Variants in CCDC110 observed in about 807,000 individuals in gnomAD.
CCDC110 encodes the protein coiled-coil domain containing 110, also known as coiled-coil domain-containing protein 110.
A neutral mutation model predicts 77.1 loss-of-function variants in CCDC110; 70 were observed. The ratio of observed to expected loss-of-function variants is 0.91; its 90% CI spans 0.75 to 1.11. The LOEUF (loss-of-function observed/expected upper bound fraction) is 1.11, where lower values mean the gene tolerates loss of function less well. Among genes scored for constraint, CCDC110 ranks in the 50% least tolerant of loss-of-function variants. The pLI is 0.00. For missense variants in CCDC110, 868 were observed against 942.9 expected (o/e 0.92, Z 1.04); for synonymous variants, 295 against 312.5 (o/e 0.94, Z 0.59).
chr4:185,465,664 A>AG (rs2095654231), intron 2 of CCDC110, among the ~76,000 whole-genome samples: 1 of 152,350 alleles, frequency 6.6e-6, no homozygotes, highest in East Asian at 1.9e-4. Flanking sequence ...AAAAGTTTAC[A>AG]GGTCACTCTG....
At position 185,460,024 on chromosome 4, in the gene CCDC110, G is replaced by T; in HGVS notation, c.563C>A (p.Ser188Ter). 1 of 1,613,296 alleles carries T rather than the reference G, an allele frequency of 6.2e-7. No individual in the cohort carries two copies. The highest frequency in any genetic ancestry group is 8.5e-7 in the Non-Finnish European group (1 of 1,179,532). ...ATTCTTCAAGATGTCAGAATTTTCTGAAGGGTGTATAATTATGTTTGAAGA... is the reference window on the plus strand; with the variant it reads ...ATTCTTCAAGATGTCAGAATTTTCTTAAGGGTGTATAATTATGTTTGAAGA... The part of the protein sequence containing the change: ...NLSSNIIIHP[S>*]ENSDILKNYN... Residue 188 changes from serine (S) to a stop codon, truncating the protein, a stop_gained, in exon 6 of 7, where the codon TCA (serine) becomes TAA (stop). Coordinates refer to ENST00000307588, the MANE Select transcript of CCDC110 (RefSeq NM_152775.4). LOFTEE classifies it high-confidence loss of function.
Position 185,458,182 on chromosome 4 carries a change from T to A in CCDC110, c.2405A>T (p.Tyr802Phe). 1 of 1,604,406 alleles carries A rather than the reference T, an allele frequency of 6.2e-7. No homozygotes were observed. Among genetic ancestry groups the A allele is most frequent in the Non-Finnish European group, 8.5e-7 (1 of 1,177,424 alleles). ...SRREKFHFDNYTHEDTSSPQS... is the reference protein window; with the variant it reads ...SRREKFHFDNFTHEDTSSPQS... ...AGGACTAGAAGTATCTTCGTGAGTA[T>A]AGTTGTCAAAATGGAATTTCTCTCT... The change falls in exon 6 of 7, where the codon TAT becomes TTT. Residue 802 changes from tyrosine (Y) to phenylalanine (F), a missense_variant. Transcript: ENST00000307588.
Position 185,459,883 on chromosome 4 carries a change from C to G in CCDC110, c.704G>C (p.Cys235Ser), listed in dbSNP as rs1360034540. Residue 235 changes from cysteine to serine, a missense_variant, in exon 6 of 7, where the codon TGT becomes TCT. Transcript: ENST00000307588. ...ATGGCAAATGTCATCTAAATTTTCA[C>G]AAAATCCATGCTTGAGAAAAGGCAC... ...ITVPFLKHGFCENLDDICHSI... is the reference protein window; with the variant it reads ...ITVPFLKHGFSENLDDICHSI... The G allele has an allele frequency of 6.2e-7, 1 of 1,613,668 alleles. No individual in the cohort carries two copies. Among genetic ancestry groups the G allele is most frequent in the East Asian group, 2.2e-5 (1 of 44,840 alleles).
chr4:185,469,195 A>G (rs922494116), intron 2 of CCDC110, among the ~76,000 whole-genome samples: 2 of 152,212 alleles, frequency 1.3e-5, no homozygotes, highest in African/African-American at 4.8e-5. Flanking sequence ...GGAATGGATC[A>G]CTTGGTGACA....
Position 185,458,847 on chromosome 4 carries a change from C to T in CCDC110, c.1740G>A (p.Leu580=), listed in dbSNP as rs774163676. The change falls in exon 6 of 7, where the codon TTG becomes TTA. Residue 580 remains leucine (L), a synonymous_variant. Coordinates refer to ENST00000307588, the MANE Select transcript of CCDC110 (RefSeq NM_152775.4). The stretch of plus-strand genomic sequence containing the variant: ...CTAACATTTCTTTTTCATCTTGTAT[C>T]AACAGAATATTGGTTTTCATTGCTT... ...EMEAMKTNIL[L]IQDEKEMLEK... 3.7e-6 allele frequency: 6 copies of T among 1,605,532 alleles called. No homozygotes were observed. The highest frequency in any genetic ancestry group is 4.2e-6 in the Non-Finnish European group (5 of 1,178,000).
chr4:185,462,907 C>T (rs547333688), intron 3 of CCDC110, 87 bp downstream of exon 3: 4 of 1,176,050 alleles, frequency 3.4e-6, no homozygotes, highest in East Asian at 4.7e-5. Context: ...AGTGAGAGAA[C>T]CCGTTTGCAT....
chr4:185,461,759 C>A (rs1364811358), intron 4 of CCDC110, among the ~76,000 whole-genome samples: 2 of 152,178 alleles, frequency 1.3e-5, no homozygotes, highest in Non-Finnish European at 2.9e-5. Flanking sequence ...GTGACCCAGT[C>A]GGGATCCATC....
At position 185,459,083 on chromosome 4, in the gene CCDC110, T is replaced by G. The variant is rs778818275; in HGVS notation, c.1504A>C (p.Lys502Gln). ...SKLSKTEEYSKECLKEFKKII... is the reference protein window; with the variant it reads ...SKLSKTEEYSQECLKEFKKII... Reference sequence around the variant, plus strand: ...TTTTTAAATTCTTTAAGACACTCTTTGCTGTATTCTTCTGTTTTACTTAAC... The same window carrying G: ...TTTTTAAATTCTTTAAGACACTCTTGGCTGTATTCTTCTGTTTTACTTAAC... Residue 502 changes from lysine to glutamine, a missense_variant, in exon 6 of 7, where the codon AAA becomes CAA. Transcript: ENST00000307588. 2 of 1,575,696 alleles carry G rather than the reference T, an allele frequency of 1.3e-6. No individual in the cohort carries two copies. Among genetic ancestry groups the G allele is most frequent in the Admixed American group, 1.7e-5 (1 of 57,388 alleles).
intron 6 of CCDC110, among the ~76,000 whole-genome samples, chr4:185,455,242 T>A (rs1476633259): frequency 6.6e-6 from 1 of 152,204 alleles, no homozygotes; most frequent in Non-Finnish European, 1.5e-5. Context: ...TCTTTAATCT[T>A]AATTTTGTAT....
rs760451503 is a variant in CCDC110 at position 185,445,495 on chromosome 4, A to G, written c.*7T>C. 6.4e-7 allele frequency: 1 copy of G among 1,568,774 alleles called. No individual in the cohort carries two copies. The highest frequency in any genetic ancestry group is 8.7e-7 in the Non-Finnish European group (1 of 1,144,454). Reference sequence around the variant, plus strand: ...CGAAGGGAGTTTCTTAGCAATCTTGAGGAATCCTAATGATGCTTGAGAGTT... The same window carrying G: ...CGAAGGGAGTTTCTTAGCAATCTTGGGGAATCCTAATGATGCTTGAGAGTT... On this transcript the variant is annotated 3_prime_UTR_variant, in exon 7 of 7. Transcript: ENST00000307588.
chr4:185,455,103 TAAACA>T (rs1243696200), intron 6 of CCDC110, among the ~76,000 whole-genome samples: 1 of 152,228 alleles, frequency 6.6e-6, no homozygotes, highest in African/African-American at 2.4e-5. Flanking sequence ...GATTCAGCAG[TAAACA>T]AAATAGACAA....
At chr4:185,451,132 T>G (rs539507413) in intron 6 of CCDC110, among the ~76,000 whole-genome samples, 5 of 152,308 alleles carry the variant, frequency 3.3e-5, no homozygotes, top group South Asian at 2.1e-4. Context: ...ATTCTCTCTT[T>G]TCTGCCACCA....
At chr4:185,460,351 C>A (rs2095643871) in intron 5 of CCDC110, 113 bp from the exon 6 acceptor site, 1 of 698,394 alleles carries the variant, frequency 1.4e-6, no homozygotes, top group Non-Finnish European at 2.3e-6. Flanking sequence ...GCATTTTATC[C>A]ATTTCTACAG....
chr4:185,469,254 C>CT (rs1396162194), intron 2 of CCDC110, among the ~76,000 whole-genome samples: 1 of 152,186 alleles, frequency 6.6e-6, no homozygotes, highest in Non-Finnish European at 1.5e-5. Flanking sequence ...GCCATACCTC[C>CT]TAGTTTTGCC....
Position 185,459,438 on chromosome 4 carries a change from G to T in CCDC110, c.1149C>A (p.Ser383=). 6.2e-7 allele frequency: 1 copy of T among 1,613,208 alleles called. No homozygotes were observed. Among genetic ancestry groups the T allele is most frequent in the South Asian group, 1.1e-5 (1 of 91,022 alleles). ...TTTCATGTTTTGTTTGGTCGAGGAA[G>T]GACAGTGTGTATCTTGGAACTCTGG... ...FHSRVPRYTL[S]FLDQTKHEMK... The change falls in exon 6 of 7, where the codon TCC becomes TCA. Residue 383 remains serine (S), a synonymous_variant. Transcript: ENST00000307588.
rs1179051904 is a variant in CCDC110 at position 185,452,353 on chromosome 4, A to G, written c.2461+5773T>C. ...AGTCTCTGCTACAAACTGTCTGCTT[A>G]CATCTGTTCAAGGCTCAAATCTGAA... is the stretch of plus-strand genomic sequence containing the variant. On this transcript the variant is annotated intron_variant, in intron 6 of 6. Transcript: ENST00000307588. The G allele has an allele frequency of 1.0e-5, 10 of 985,328 alleles. No individual in the cohort carries two copies. In the African/African-American group the frequency reaches 1.6e-4, roughly 15 times the overall value. 61.0% of individuals were successfully genotyped at this position (985,328 alleles called of 1,614,324 possible).
rs577495257 is a variant in CCDC110 at position 185,470,865 on chromosome 4, G to A, written c.115+80C>T. 8.7e-4 allele frequency: 893 copies of A among 1,023,886 alleles called. 8 individuals are homozygous for A. Among genetic ancestry groups the A allele is most frequent in the South Asian group, 7.1e-3 (560 of 78,842 alleles). The allele number at this position is 1,023,886 out of a possible 1,614,324, so 63.4% of individuals were successfully genotyped here. A position where few individuals can be genotyped will look rare whatever the true frequency, so the allele number is the denominator to read the frequency against. On this transcript the variant is annotated intron_variant, in intron 2 of 6. Coordinates refer to ENST00000307588, the MANE Select transcript of CCDC110 (RefSeq NM_152775.4). Reference sequence around the variant, plus strand: ...GTGTCATCACGGCCGTGGGAAGCACGCCAGGTGAGCAGGTGGCACAGGCCA... The same window carrying A: ...GTGTCATCACGGCCGTGGGAAGCACACCAGGTGAGCAGGTGGCACAGGCCA...
At chr4:185,463,136 C>T in intron 2 of CCDC110, 87 bp from the exon 3 acceptor site, 1 of 941,368 alleles carries the variant, frequency 1.1e-6, no homozygotes, top group Non-Finnish European at 1.7e-6. Flanking sequence ...TCCTAACTTG[C>T]TTGGATAGTG....
Position 185,468,110 on chromosome 4 carries a change from AT to A in CCDC110, c.115+2834del, listed in dbSNP as rs1430943212. Among the ~76,000 whole-genome samples the A allele has an allele frequency of 1.3e-5, 2 of 152,132 alleles. No homozygotes were observed. Among genetic ancestry groups the A allele is most frequent in the Non-Finnish European group, 2.9e-5 (2 of 68,028 alleles). On this transcript the variant is annotated intron_variant, in intron 2 of 6. Coordinates refer to ENST00000307588, the MANE Select transcript of CCDC110 (RefSeq NM_152775.4). The surrounding 1 kb of genome is among the most constrained non-coding windows in gnomAD (Gnocchi z 4.5). Reference sequence around the variant, plus strand: ...AGTTCTGCTGTGACAATTCAAGTTCATTCCTAGATGTCCCTGTCTTACAAAG... The same window carrying A: ...AGTTCTGCTGTGACAATTCAAGTTCATCCTAGATGTCCCTGTCTTACAAAG...
Sources: gnomAD v4.1 joint callset for allele counts (sites outside exome capture counted in the v4.1 genomes callset) on GRCh38, gnomAD v4.1.1 for gene constraint, Gnocchi (gnomAD v3.1) non-coding constraint, MANE v1.5 for transcripts, NCBI Gene and HGNC (gene_info 2026-07-23, HGNC 2026-07-21) for gene names.